Variants in SAMD3 observed in about 807,000 individuals in gnomAD.
SAMD3 encodes sterile alpha motif domain containing 3, also known as sterile alpha motif domain-containing protein 3.
Under a neutral mutation model 58.5 loss-of-function variants are expected in SAMD3, and 63 were observed. That is an observed-to-expected ratio of 1.08 (90% CI 0.88 to 1.33). The LOEUF (loss-of-function observed/expected upper bound fraction) is 1.33. Ranked by LOEUF, SAMD3 falls within the 40% of genes most tolerant of loss-of-function variation. SAMD3 has a pLI of 0.00. For missense variants in SAMD3, 604 were observed against 608.4 expected (o/e 0.99, Z 0.08); for synonymous variants, 220 against 210.3 (o/e 1.05, Z -0.40).
At chr6:130,328,130 T>C (rs1776813208) in intron 1 of SAMD3, among the ~76,000 whole-genome samples, 1 of 152,288 alleles carries the variant, frequency 6.6e-6, no homozygotes. Context: ...GCAGATCTCA[T>C]GTGAGACCCT....
chr6:130,215,830 T>C (rs951920051), intron 2 of SAMD3: 20 of 1,534,904 alleles, frequency 1.3e-5, no homozygotes, highest in Non-Finnish European at 1.7e-5. Context: ...AAGGAGATTG[T>C]AACTTGCTGC....
intron 1 of SAMD3, among the ~76,000 whole-genome samples, chr6:130,343,679 C>T (rs1777345012): frequency 1.3e-5 from 2 of 152,016 alleles, no homozygotes. Context: ...GACAATGAGT[C>T]ATGGGCTGGG....
intron 1 of SAMD3, among the ~76,000 whole-genome samples, chr6:130,347,567 T>C (rs976322954): frequency 6.6e-6 from 1 of 152,104 alleles, no homozygotes; most frequent in South Asian, 2.1e-4. Context: ...CCAAGAAATA[T>C]GGGACTATGT....
At chr6:130,314,956 C>T (rs887250530) in intron 1 of SAMD3, among the ~76,000 whole-genome samples, 2 of 152,170 alleles carry the variant, frequency 1.3e-5, no homozygotes, top group African/African-American at 2.4e-5. Context: ...ATCACATACT[C>T]ACTAAATATG....
intron 1 of SAMD3, among the ~76,000 whole-genome samples, chr6:130,221,344 AG>A (rs200660662): frequency 0.018 from 2,734 of 152,322 alleles, 28 homozygotes; most frequent in Non-Finnish European, 0.027. Context: ...TTGACTAAAA[AG>A]GAAAAACGCA....
chr6:130,213,912 TTACTC>T (rs1486387430), intron 4 of SAMD3, among the ~76,000 whole-genome samples: 4 of 152,152 alleles, frequency 2.6e-5, no homozygotes, highest in Non-Finnish European at 5.9e-5. Context: ...TATAAATTCA[TTACTC>T]TAAGAAATCC....
At chr6:130,215,102 G>A (rs1206713513) in intron 3 of SAMD3, 93 bp downstream of exon 3, 2 of 678,168 alleles carry the variant, frequency 2.9e-6, no homozygotes, top group Non-Finnish European at 5.2e-6. Context: ...CATGCACACA[G>A]ACATTTGGCA....
intron 2 of SAMD3, among the ~76,000 whole-genome samples, chr6:130,265,882 T>C (rs1280810970): frequency 1.3e-5 from 2 of 152,208 alleles, no homozygotes; most frequent in Non-Finnish European, 2.9e-5. Context: ...AGAGGCTATA[T>C]GGCAGAAAAT....
intron 1 of SAMD3, among the ~76,000 whole-genome samples, chr6:130,315,440 T>C (rs924590290): frequency 1.3e-5 from 2 of 152,192 alleles, no homozygotes; most frequent in Non-Finnish European, 2.9e-5. Context: ...ATTTGGCCTG[T>C]CTGATTTTTA....
intron 2 of SAMD3, among the ~76,000 whole-genome samples, chr6:130,277,076 T>G (rs758330369): frequency 1.3e-5 from 2 of 152,150 alleles, no homozygotes; most frequent in Non-Finnish European, 2.9e-5. Flanking sequence ...GACAAAAATC[T>G]TGTGACTTAT....
chr6:130,271,947 C>T (rs1269294495), intron 2 of SAMD3, among the ~76,000 whole-genome samples: 2 of 152,160 alleles, frequency 1.3e-5, no homozygotes, highest in Admixed American at 6.5e-5. Context: ...AATTACCTCC[C>T]ACTGGGTCCC....
At chr6:130,350,023 C>G (rs1014154021) in intron 1 of SAMD3, among the ~76,000 whole-genome samples, 81 of 152,206 alleles carry the variant, frequency 5.3e-4, no homozygotes, top group Admixed American at 1.4e-3. Context: ...ATTCAACAGC[C>G]CTTCATACTA....
chr6:130,304,926 C>CTTTT (rs777084920), intron 2 of SAMD3, among the ~76,000 whole-genome samples: 8 of 103,374 alleles, frequency 7.7e-5, no homozygotes, highest in Admixed American at 1.1e-4. Flanking sequence ...CATTTTCTTC[C>CTTTT]TTTTTTTTTT....
At chr6:130,213,681 G>C (rs1325032561) in intron 4 of SAMD3, among the ~76,000 whole-genome samples, 1 of 152,068 alleles carries the variant, frequency 6.6e-6, no homozygotes, top group East Asian at 1.9e-4. Context: ...TATAAATCCT[G>C]TTATCATTTC....
intron 2 of SAMD3, among the ~76,000 whole-genome samples, chr6:130,275,747 A>G (rs1774752141): frequency 6.6e-6 from 1 of 151,960 alleles, no homozygotes; most frequent in South Asian, 2.1e-4. Context: ...TGAACATTAC[A>G]TTATTTTCTT....
intron 2 of SAMD3, among the ~76,000 whole-genome samples, chr6:130,273,967 TA>T (rs1178062876): frequency 6.6e-6 from 1 of 152,228 alleles, no homozygotes; most frequent in Non-Finnish European, 1.5e-5. Context: ...TTTATATACT[TA>T]ACTCTACAAG....
intron 2 of SAMD3, among the ~76,000 whole-genome samples, chr6:130,298,721 C>G (rs1371426409): frequency 1.3e-5 from 2 of 152,064 alleles, no homozygotes; most frequent in African/African-American, 4.8e-5. Context: ...AAGCTTCCAC[C>G]GCCTTCAAGA....
intron 2 of SAMD3, among the ~76,000 whole-genome samples, chr6:130,266,839 G>A (rs1003001973): frequency 6.6e-6 from 1 of 152,186 alleles, no homozygotes; most frequent in Admixed American, 6.5e-5. Flanking sequence ...TAGGTGATTG[G>A]AAAGATGATG....
chr6:130,229,288 G>GT (rs2114876130), intron 2 of SAMD3, among the ~76,000 whole-genome samples: 1 of 152,308 alleles, frequency 6.6e-6, no homozygotes, highest in South Asian at 2.1e-4. Context: ...ATGACCAAAG[G>GT]TAAGATTCCC....
Sources: allele counts gnomAD v4.1 joint callset (sites outside exome capture counted in the v4.1 genomes callset), GRCh38; gene constraint gnomAD v4.1.1; transcripts MANE v1.5; gene names NCBI Gene and HGNC (gene_info 2026-07-23, HGNC 2026-07-21).